The following CDH12 variants were observed in gnomAD, a reference collection of about 807,000 sequenced individuals.
CDH12 encodes the protein cadherin-12.
A neutral mutation model predicts 74.1 loss-of-function variants in CDH12; 41 were observed. The ratio of observed to expected loss-of-function variants is 0.55; its 90% CI spans 0.43 to 0.72. The LOEUF (loss-of-function observed/expected upper bound fraction) is 0.72. CDH12 is among the 30% of genes least tolerant of loss of function. The pLI is 0.00. For synonymous variants in CDH12, 399 were observed against 355.0 expected (o/e 1.12, Z -1.39); for missense variants, 945 against 977.2 (o/e 0.97, Z 0.44).
intron 3 of CDH12, among the ~76,000 whole-genome samples, chr5:22,337,411 C>T (rs116137032): frequency 3.7e-4 from 57 of 152,184 alleles, no homozygotes; most frequent in African/African-American, 1.3e-3. Context: ...TGTGTCTCCA[C>T]CCAAATCTCA....
At chr5:22,183,965 G>A (rs1196113369) in intron 4 of CDH12, among the ~76,000 whole-genome samples, 1 of 151,638 alleles carries the variant, frequency 6.6e-6, no homozygotes, top group African/African-American at 2.4e-5. Context: ...TTTATTTTCT[G>A]TCCTAATATA....
chr5:22,247,849 T>C lies in CDH12; in HGVS notation c.-332-35206A>G, dbSNP rs561643530. On this transcript the variant is annotated intron_variant, in intron 3 of 14. Transcript: ENST00000382254. Reference sequence around the variant, plus strand: ...AGTCACATGTAAACATATCCAGTTCTAAACAAATGCACAGAGGTATGTGGC... The same window carrying C: ...AGTCACATGTAAACATATCCAGTTCCAAACAAATGCACAGAGGTATGTGGC... Among the ~76,000 whole-genome samples, 4 of 152,230 alleles carry C rather than the reference T, an allele frequency of 2.6e-5. No individual in the cohort carries two copies. In the South Asian group the frequency reaches 8.3e-4, roughly 32 times the overall value.
Position 22,562,676 on chromosome 5 carries a change from G to A in CDH12, c.-522-57312C>T, listed in dbSNP as rs572568476. On this transcript the variant is annotated intron_variant, in intron 1 of 14. Coordinates refer to ENST00000382254, the MANE Select transcript of CDH12 (RefSeq NM_004061.5). The stretch of plus-strand genomic sequence containing the variant: ...TTATCAACAGAAGGAAGATGAGTCA[G>A]TTATGAAGACTTTCACTCTTAATGT... Among the ~76,000 whole-genome samples, 184 of 151,756 alleles carry A rather than the reference G, an allele frequency of 1.2e-3. 1 individual carries two copies. The highest frequency in any genetic ancestry group is 4.0e-3 in the African/African-American group (168 of 41,492).
Position 22,682,892 on chromosome 5 carries a change from G to A in CDH12, c.-523+170166C>T, listed in dbSNP as rs1561574730. On this transcript the variant is annotated intron_variant, in intron 1 of 14. Transcript: ENST00000382254. The stretch of plus-strand genomic sequence containing the variant: ...CAATTTTGCTATCTTCCAAAGTTAA[G>A]AAGAAAAATTCACAGCCATGCCTAA... Among the ~76,000 whole-genome samples, 5 of 152,098 alleles carry A rather than the reference G, an allele frequency of 3.3e-5. No individual in the cohort carries two copies. In the South Asian group the frequency reaches 1.0e-3, roughly 32 times the overall value.
intron 6 of CDH12, among the ~76,000 whole-genome samples, chr5:21,888,201 CA>C (rs975777626): frequency 1.4e-4 from 22 of 152,230 alleles, no homozygotes; most frequent in Admixed American, 1.2e-3. Flanking sequence ...TAAGAAAGGA[CA>C]AAAGAACATA....
At chr5:22,784,772 T>A (rs1747543676) in intron 1 of CDH12, among the ~76,000 whole-genome samples, 1 of 152,182 alleles carries the variant, frequency 6.6e-6, no homozygotes, top group Non-Finnish European at 1.5e-5. Context: ...CTATTCCTAA[T>A]TAAATTTCTG....
intron 4 of CDH12, among the ~76,000 whole-genome samples, chr5:22,099,033 AAG>A (rs1433687511): frequency 2.0e-5 from 3 of 152,042 alleles, no homozygotes; most frequent in Non-Finnish European, 2.9e-5. Flanking sequence ...ACATCAAGCT[AAG>A]GGATTTGCCC....
At chr5:21,855,633 T>C (rs565404204) in intron 6 of CDH12, among the ~76,000 whole-genome samples, 2 of 151,748 alleles carry the variant, frequency 1.3e-5, no homozygotes, top group South Asian at 4.1e-4. Flanking sequence ...TATATATATG[T>C]ATGTGTATAT....
At chr5:22,364,191 G>A (rs1283933642) in intron 3 of CDH12, among the ~76,000 whole-genome samples, 2 of 152,096 alleles carry the variant, frequency 1.3e-5, no homozygotes, top group African/African-American at 2.4e-5. Context: ...AAATCATATC[G>A]TTTTGTCTTG....
At position 21,954,832 on chromosome 5, in the gene CDH12, C is replaced by G. The variant is rs181895298; in HGVS notation, c.526+20259G>C. 4.6e-5 allele frequency among the ~76,000 whole-genome samples: 7 copies of G among 152,114 alleles called. No individual in the cohort carries two copies. The East Asian group carries it at 1.4e-3, about 29-fold the overall frequency. The stretch of plus-strand genomic sequence containing the variant: ...CTTAGTAGCTTTTATTCTCTAGGTA[C>G]TATTTGATTATGATTGTGAAAATAG... On this transcript the variant is annotated intron_variant, in intron 6 of 14. Coordinates refer to ENST00000382254, the MANE Select transcript of CDH12 (RefSeq NM_004061.5).
At chr5:22,831,426 C>G (rs1213946254) in intron 1 of CDH12, among the ~76,000 whole-genome samples, 1 of 147,700 alleles carries the variant, frequency 6.8e-6, no homozygotes, top group African/African-American at 2.5e-5. Context: ...AAGTACAAGA[C>G]AGAGCATGGT....
At chr5:22,047,296 C>T (rs1053052188) in intron 5 of CDH12, among the ~76,000 whole-genome samples, 1 of 152,034 alleles carries the variant, frequency 6.6e-6, no homozygotes, top group Non-Finnish European at 1.5e-5. Flanking sequence ...AACTTATAGA[C>T]CCTTGTTTGT....
At chr5:22,616,573 T>C (rs1268838919) in intron 1 of CDH12, among the ~76,000 whole-genome samples, 1 of 152,060 alleles carries the variant, frequency 6.6e-6, no homozygotes. Context: ...AAAAATTAAA[T>C]ACATACATAC....
At position 22,421,066 on chromosome 5, in the gene CDH12, G is replaced by A. The variant is rs1743631114; in HGVS notation, c.-427-15715C>T. ...AATTCTGAGACTTTGCTGAAAAGTT[G>A]TTTATCAGCTTAAGAAGCTTTTGGG... On this transcript the variant is annotated intron_variant, in intron 2 of 14. Transcript: ENST00000382254. 3.3e-5 allele frequency among the ~76,000 whole-genome samples: 5 copies of A among 152,110 alleles called. No individual in the cohort carries two copies. In the South Asian group the frequency reaches 1.0e-3, roughly 32 times the overall value.
intron 6 of CDH12, among the ~76,000 whole-genome samples, chr5:21,875,251 G>A (rs1246002029): frequency 1.3e-5 from 2 of 152,092 alleles, no homozygotes; most frequent in Non-Finnish European, 2.9e-5. Context: ...TAAGATTTTG[G>A]CAAGTCACTT....
At position 22,394,061 on chromosome 5, in the gene CDH12, T is replaced by C. The variant is rs377238115; in HGVS notation, c.-333+11196A>G. 1.2e-4 allele frequency among the ~76,000 whole-genome samples: 18 copies of C among 152,272 alleles called. No homozygotes were observed. The East Asian group carries it at 3.1e-3, about 26-fold the overall frequency. Reference sequence around the variant, plus strand: ...ACCAGCATTTGATGACTCAAGAGGTTCTAAGCCTGTACAAATTGCAAAGAA... The same window carrying C: ...ACCAGCATTTGATGACTCAAGAGGTCCTAAGCCTGTACAAATTGCAAAGAA... On this transcript the variant is annotated intron_variant, in intron 3 of 14. Coordinates refer to ENST00000382254, the MANE Select transcript of CDH12 (RefSeq NM_004061.5).
chr5:22,030,799 T>C (rs1344163241), intron 5 of CDH12, among the ~76,000 whole-genome samples: 1 of 152,204 alleles, frequency 6.6e-6, no homozygotes, highest in Non-Finnish European at 1.5e-5. Context: ...AAATCTGTTG[T>C]TTAATGTAGC....
intron 11 of CDH12, among the ~76,000 whole-genome samples, chr5:21,777,769 G>C (rs923193541): frequency 6.6e-6 from 1 of 152,032 alleles, no homozygotes; most frequent in East Asian, 1.9e-4. Context: ...GGGATTGCAG[G>C]CATGAGCCAC....
chr5:22,762,841 T>C (rs1458985561), intron 1 of CDH12, among the ~76,000 whole-genome samples: 1 of 152,092 alleles, frequency 6.6e-6, no homozygotes, highest in Non-Finnish European at 1.5e-5. Context: ...AATAACAGTT[T>C]AGTTATCACA....
Sources: allele counts gnomAD v4.1 joint callset (sites outside exome capture counted in the v4.1 genomes callset), GRCh38; gene constraint gnomAD v4.1.1; transcripts MANE v1.5; gene names NCBI Gene and HGNC (gene_info 2026-07-23, HGNC 2026-07-21).